The following SCARA5 variants were observed in gnomAD, a reference collection of about 807,000 sequenced individuals.
SCARA5 encodes scavenger receptor class A, member 5 (putative).
A neutral mutation model predicts 46.3 loss-of-function variants in SCARA5; 45 were observed. The ratio of observed to expected loss-of-function variants is 0.97; its 90% CI spans 0.76 to 1.24. The LOEUF is 1.24. Among genes scored for constraint, SCARA5 ranks in the 50% most tolerant of loss-of-function variants. The pLI is 0.00. For missense variants in SCARA5, 680 were observed against 689.0 expected (o/e 0.99, Z 0.15); for synonymous variants, 333 against 306.5 (o/e 1.09, Z -0.90).
intron 2 of SCARA5, among the ~76,000 whole-genome samples, chr8:27,975,090 C>T (rs950266425): frequency 3.9e-5 from 6 of 152,164 alleles, no homozygotes; most frequent in Non-Finnish European, 2.9e-5. Context: ...GCCTTACCCC[C>T]AACCTCCAGG....
chr8:27,955,961 A>G (rs1406675641), intron 3 of SCARA5, among the ~76,000 whole-genome samples: 1 of 152,154 alleles, frequency 6.6e-6, no homozygotes, highest in Admixed American at 6.5e-5. Flanking sequence ...ATTTACAGAG[A>G]TGGAAAGGAC....
intron 8 of SCARA5, among the ~76,000 whole-genome samples, chr8:27,877,353 G>A (rs1056355385): frequency 6.6e-6 from 1 of 152,060 alleles, no homozygotes; most frequent in Admixed American, 6.5e-5. Context: ...GCTTCCTATC[G>A]ACCAGTTTAA....
chr8:27,986,073 A>G (rs897006584), intron 2 of SCARA5, among the ~76,000 whole-genome samples: 46 of 152,004 alleles, frequency 3.0e-4, no homozygotes, highest in African/African-American at 1.1e-3. Flanking sequence ...TGCTGTACCC[A>G]GTCTTTCTTG....
intron 3 of SCARA5, among the ~76,000 whole-genome samples, chr8:27,946,034 T>C (rs912491957): frequency 5.3e-5 from 8 of 152,196 alleles, no homozygotes; most frequent in Non-Finnish European, 1.2e-4. Context: ...CTTTGCAAAA[T>C]AGTCTCTCTC....
chr8:27,882,931 C>T (rs994372953), intron 7 of SCARA5, among the ~76,000 whole-genome samples: 2 of 152,172 alleles, frequency 1.3e-5, no homozygotes, highest in African/African-American at 2.4e-5. Context: ...AGCCTCACAA[C>T]CTCTCTAAAG....
chr8:27,976,137 G>C (rs1412299076), intron 2 of SCARA5, among the ~76,000 whole-genome samples: 1 of 152,066 alleles, frequency 6.6e-6, no homozygotes, highest in Non-Finnish European at 1.5e-5. Flanking sequence ...GGGGTGGAGA[G>C]AGGAAGCTGG....
chr8:27,933,350 C>A (rs920058127), intron 3 of SCARA5, among the ~76,000 whole-genome samples: 1 of 151,800 alleles, frequency 6.6e-6, no homozygotes, highest in African/African-American at 2.4e-5. Context: ...TGTGAAGCCC[C>A]GCCTCTACAA....
chr8:27,983,488 C>T (rs939679135), intron 2 of SCARA5, among the ~76,000 whole-genome samples: 1 of 152,218 alleles, frequency 6.6e-6, no homozygotes, highest in African/African-American at 2.4e-5. Flanking sequence ...AGTCCAACCC[C>T]GTGAAATCCC....
At chr8:27,937,174 G>A (rs2129860345) in intron 3 of SCARA5, among the ~76,000 whole-genome samples, 1 of 152,318 alleles carries the variant, frequency 6.6e-6, no homozygotes, top group South Asian at 2.1e-4. Flanking sequence ...GTGAAATACT[G>A]TAGTAGTATA....
At chr8:27,982,602 A>G (rs1808640394) in intron 2 of SCARA5, among the ~76,000 whole-genome samples, 1 of 152,168 alleles carries the variant, frequency 6.6e-6, no homozygotes, top group Non-Finnish European at 1.5e-5. Context: ...GGGGCCTTCC[A>G]TCAACAGTGG....
intron 7 of SCARA5, among the ~76,000 whole-genome samples, chr8:27,900,930 C>T (rs1263579635): frequency 3.3e-5 from 5 of 151,558 alleles, no homozygotes; most frequent in East Asian, 3.9e-4. Context: ...CCAATTTGGC[C>T]GTGACCTAGG....
At chr8:27,933,784 C>A (rs912842149) in intron 3 of SCARA5, among the ~76,000 whole-genome samples, 11 of 151,932 alleles carry the variant, frequency 7.2e-5, no homozygotes, top group African/African-American at 2.7e-4. Context: ...GACTGAGGAG[C>A]AAGAGAATGG....
chr8:27,972,524 G>T (rs1254549502), intron 2 of SCARA5, among the ~76,000 whole-genome samples: 1 of 152,138 alleles, frequency 6.6e-6, no homozygotes, highest in African/African-American at 2.4e-5. Flanking sequence ...ACACACCAAA[G>T]AAATTTCATT....
In SCARA5 at chr8:27,955,923, G is replaced by A. The variant is rs147557105; in HGVS notation, c.241+10491C>T. ...GCAGGTGAGATACAGCTGGCAGCAT[G>A]CACTGGTTTCAGGTAGATCATGGTG... On this transcript the variant is annotated intron_variant, in intron 3 of 8. Coordinates refer to ENST00000354914, the MANE Select transcript of SCARA5 (RefSeq NM_173833.6). Among the ~76,000 whole-genome samples the A allele has an allele frequency of 2.7e-4, 41 of 152,320 alleles. 1 individual carries two copies. The East Asian group carries it at 7.5e-3, about 28-fold the overall frequency.
chr8:27,979,511 G>A (rs1316100842), intron 2 of SCARA5, among the ~76,000 whole-genome samples: 1 of 151,894 alleles, frequency 6.6e-6, no homozygotes, highest in Admixed American at 6.6e-5. Context: ...ACTCAGCAGA[G>A]ATGGGGTGTG....
rs367623416 is a variant in SCARA5 at position 27,922,277 on chromosome 8, C to A, written c.242-32G>T. 4.1e-6 allele frequency: 6 copies of A among 1,477,268 alleles called. No homozygotes were observed. The Admixed American group carries it at 9.6e-5, about 24-fold the overall frequency. 91.5% of individuals were successfully genotyped at this position (1,477,268 alleles called of 1,614,324 possible). On this transcript the variant is annotated intron_variant, in intron 3 of 8. Transcript: ENST00000354914. Reference sequence around the variant, plus strand: ...AGGAGGAAGAGGGGAGACTTGAGCACCGCTGGGGAGGAAGGCCCCGGGTGA... The same window carrying A: ...AGGAGGAAGAGGGGAGACTTGAGCAACGCTGGGGAGGAAGGCCCCGGGTGA...
chr8:27,876,019 G>T (rs1806718592), intron 8 of SCARA5, among the ~76,000 whole-genome samples: 1 of 152,142 alleles, frequency 6.6e-6, no homozygotes, highest in East Asian at 1.9e-4. Context: ...AAAAAAGAAA[G>T]ATCCCCAGCA....
intron 8 of SCARA5, among the ~76,000 whole-genome samples, chr8:27,873,567 CA>C (rs1483071708): frequency 3.3e-5 from 5 of 150,836 alleles, no homozygotes; most frequent in African/African-American, 1.2e-4. Flanking sequence ...CACCAGAGAA[CA>C]ACCCCCTTTA....
At chr8:27,954,951 T>C (rs1281006328) in intron 3 of SCARA5, among the ~76,000 whole-genome samples, 1 of 152,202 alleles carries the variant, frequency 6.6e-6, no homozygotes, top group Non-Finnish European at 1.5e-5. Flanking sequence ...TGCCAGACTG[T>C]TGTTTTTGAC....
Sources: allele counts gnomAD v4.1 joint callset (sites outside exome capture counted in the v4.1 genomes callset), GRCh38; gene constraint gnomAD v4.1.1; transcripts MANE v1.5; gene names NCBI Gene and HGNC (gene_info 2026-07-23, HGNC 2026-07-21).